The following CSMD1 variants were observed in gnomAD, a reference collection of about 807,000 sequenced individuals.
CSMD1 encodes the protein CUB and Sushi multiple domains 1.
In CSMD1, 213 loss-of-function variants were observed where a neutral mutation model predicts 417.5. The ratio of observed to expected loss-of-function variants is 0.51; its 90% CI spans 0.46 to 0.57. CSMD1 has a LOEUF of 0.57. Among genes scored for constraint, CSMD1 ranks in the 20% least tolerant of loss-of-function variants. The pLI, the probability that CSMD1 is intolerant of heterozygous loss-of-function variation, is 0.00. For synonymous variants in CSMD1, 2,862 were observed against 1,736.8 expected (o/e 1.65, Z -16.11); for missense variants, 6,923 against 4,529.7 (o/e 1.53, Z -15.17).
At chr8:3,077,804 A>G (rs1223088537) in intron 49 of CSMD1, among the ~76,000 whole-genome samples, 1 of 152,202 alleles carries the variant, frequency 6.6e-6, no homozygotes, top group Non-Finnish European at 1.5e-5. Flanking sequence ...GTGCCTCTTC[A>G]ATGAAAGACC....
chr8:4,058,611 T>C (rs1012240009), intron 3 of CSMD1, among the ~76,000 whole-genome samples: 36 of 150,320 alleles, frequency 2.4e-4, no homozygotes, highest in Non-Finnish European at 4.6e-4. Flanking sequence ...ACCAAGCAAA[T>C]GGAAAACAAA....
At position 3,786,577 on chromosome 8, in the gene CSMD1, T is replaced by C. The variant is rs60185462; in HGVS notation, c.819-32535A>G. Reference sequence around the variant, plus strand: ...CTGAGGACTTTACAACGGCCTAGGATGGACAGGAAAATCGCTGTTGGGCTC... The same window carrying C: ...CTGAGGACTTTACAACGGCCTAGGACGGACAGGAAAATCGCTGTTGGGCTC... On this transcript the variant is annotated intron_variant, in intron 5 of 69. Transcript: ENST00000635120. Among the ~76,000 whole-genome samples, 104 of 152,272 alleles carry C rather than the reference T, an allele frequency of 6.8e-4. 2 individuals are homozygous for C. The East Asian group carries it at 0.018, about 26-fold the overall frequency.
intron 10 of CSMD1, among the ~76,000 whole-genome samples, chr8:3,546,619 C>A (rs1481192454): frequency 6.6e-6 from 1 of 151,656 alleles, no homozygotes; most frequent in Non-Finnish European, 1.5e-5. Context: ...TTGAATAATA[C>A]TGCAAAATGA....
At chr8:3,877,079 T>C (rs576000858) in intron 5 of CSMD1, among the ~76,000 whole-genome samples, 5 of 152,212 alleles carry the variant, frequency 3.3e-5, no homozygotes, top group Admixed American at 6.5e-5. Flanking sequence ...TTAAGGTTCT[T>C]ACAAGGGAGA....
chr8:3,273,093 T>G (rs1481013356), intron 26 of CSMD1, among the ~76,000 whole-genome samples: 1 of 152,114 alleles, frequency 6.6e-6, no homozygotes, highest in African/African-American at 2.4e-5. Context: ...CTTATTATTT[T>G]GAGATACGTC....
chr8:4,161,195 T>A (rs887298267), intron 3 of CSMD1, among the ~76,000 whole-genome samples: 1 of 152,190 alleles, frequency 6.6e-6, no homozygotes, highest in Non-Finnish European at 1.5e-5. Flanking sequence ...TGCTACTTCC[T>A]ATCTCATTTA....
chr8:4,023,885 G>A (rs1167396034), intron 4 of CSMD1, among the ~76,000 whole-genome samples: 1 of 148,952 alleles, frequency 6.7e-6, no homozygotes, highest in Non-Finnish European at 1.5e-5. Flanking sequence ...CCAAAGTGCT[G>A]GGATTACAGG....
chr8:4,619,884 C>T (rs1293905516), intron 2 of CSMD1, among the ~76,000 whole-genome samples: 4 of 151,936 alleles, frequency 2.6e-5, no homozygotes, highest in Non-Finnish European at 5.9e-5. Flanking sequence ...ACAATTACAG[C>T]ATAAATATTA....
At chr8:3,824,382 A>T (rs1439866426) in intron 5 of CSMD1, among the ~76,000 whole-genome samples, 1 of 152,206 alleles carries the variant, frequency 6.6e-6, no homozygotes, top group Non-Finnish European at 1.5e-5. Context: ...TCCCTCCCAA[A>T]GCTCAGAGTG....
chr8:3,768,826 T>C (rs1355160262), intron 5 of CSMD1, among the ~76,000 whole-genome samples: 3 of 152,210 alleles, frequency 2.0e-5, no homozygotes, highest in African/African-American at 7.2e-5. Flanking sequence ...CATTACTTCC[T>C]TGGTGGATAG....
chr8:3,560,110 T>C (rs1799406325), intron 10 of CSMD1, among the ~76,000 whole-genome samples: 1 of 152,160 alleles, frequency 6.6e-6, no homozygotes, highest in Non-Finnish European at 1.5e-5. Flanking sequence ...CCAGGACCCA[T>C]TCGAACTTGT....
intron 37 of CSMD1, among the ~76,000 whole-genome samples, chr8:3,172,889 A>T (rs1275284294): frequency 6.6e-6 from 1 of 152,214 alleles, no homozygotes; most frequent in African/African-American, 2.4e-5. Flanking sequence ...CTCATGATTG[A>T]TGATTTTCTG....
At chr8:3,065,002 G>C (rs1011883559) in intron 49 of CSMD1, among the ~76,000 whole-genome samples, 2 of 152,112 alleles carry the variant, frequency 1.3e-5, no homozygotes, top group Admixed American at 6.5e-5. Context: ...GGCTGGAGGA[G>C]TTTGCCCATG....
intron 10 of CSMD1, among the ~76,000 whole-genome samples, chr8:3,502,461 C>G (rs1054910648): frequency 1.3e-5 from 2 of 151,600 alleles, no homozygotes; most frequent in Admixed American, 6.6e-5. Context: ...TAGGAAGCAA[C>G]CAATATGTCC....
At chr8:4,168,271 G>A (rs1015582451) in intron 3 of CSMD1, among the ~76,000 whole-genome samples, 1 of 151,528 alleles carries the variant, frequency 6.6e-6, no homozygotes, top group Non-Finnish European at 1.5e-5. Flanking sequence ...GGATGCACCT[G>A]TACTCCCAAC....
chr8:3,984,104 G>T (rs79490532), intron 5 of CSMD1, among the ~76,000 whole-genome samples: 3,333 of 140,920 alleles, frequency 0.024, 92 homozygotes, highest in African/African-American at 0.044. Context: ...GCTGTCAATA[G>T]CAACTCTAGA....
intron 1 of CSMD1, chr8:4,788,701 A>G: frequency 1.9e-6 from 1 of 526,200 alleles, no homozygotes; most frequent in East Asian, 2.9e-5. Flanking sequence ...AATAAAATGT[A>G]TTAGTGAATC....
chr8:4,062,098 C>A (rs910161010), intron 3 of CSMD1, among the ~76,000 whole-genome samples: 20 of 152,024 alleles, frequency 1.3e-4, no homozygotes, highest in Non-Finnish European at 4.4e-5. Context: ...CAAAGCATCA[C>A]AGAGAATGCA....
chr8:4,761,584 A>T (rs1812070736), intron 1 of CSMD1, among the ~76,000 whole-genome samples: 1 of 152,108 alleles, frequency 6.6e-6, no homozygotes, highest in Admixed American at 6.6e-5. Context: ...CATAGCTGCG[A>T]TGGTTACCTC....
Sources: allele counts gnomAD v4.1 joint callset (sites outside exome capture counted in the v4.1 genomes callset), GRCh38; gene constraint gnomAD v4.1.1; transcripts MANE v1.5; gene names NCBI Gene and HGNC (gene_info 2026-07-23, HGNC 2026-07-21).